The following LINGO2 variants were observed in gnomAD, a reference collection of about 807,000 sequenced individuals.
LINGO2 encodes the protein leucine-rich repeat and immunoglobulin-like domain-containing nogo receptor-interacting protein 2.
In LINGO2, 14 loss-of-function variants were observed where a neutral mutation model predicts 30.6. The ratio of observed to expected loss-of-function variants is 0.46; its 90% CI spans 0.30 to 0.72. The LOEUF (loss-of-function observed/expected upper bound fraction) is 0.72, where lower values mean the gene tolerates loss of function less well. Ranked by LOEUF, LINGO2 falls within the 30% of genes least tolerant of loss-of-function variation. The pLI, the probability that LINGO2 is intolerant of heterozygous loss-of-function variation, is 0.07. For synonymous variants in LINGO2, 317 were observed against 288.5 expected (o/e 1.10, Z -1.00); for missense variants, 729 against 751.7 (o/e 0.97, Z 0.35).
the LINGO2 span, among the ~76,000 whole-genome samples, chr9:28,703,132 C>T: frequency 6.6e-6 from 1 of 151,464 alleles, no homozygotes; most frequent in South Asian, 2.1e-4. Context: ...ATTTCTGCTC[C>T]ATTTTTTGTT....
intron 4 of LINGO2, among the ~76,000 whole-genome samples, chr9:28,071,784 C>A (rs965669678): frequency 6.6e-6 from 1 of 152,030 alleles, no homozygotes; most frequent in Non-Finnish European, 1.5e-5. Flanking sequence ...TCATTCTCTT[C>A]ATTCTAACAA....
At chr9:29,164,340 C>T in the LINGO2 span, among the ~76,000 whole-genome samples, 2 of 151,994 alleles carry the variant, frequency 1.3e-5, no homozygotes, top group African/African-American at 2.4e-5. Flanking sequence ...TATCTGATGC[C>T]GTAGTAGATA....
At chr9:28,797,031 G>T in the LINGO2 span, among the ~76,000 whole-genome samples, 2 of 151,224 alleles carry the variant, frequency 1.3e-5, no homozygotes, top group Non-Finnish European at 2.9e-5. Context: ...CATTTTAAAG[G>T]CTTAATTTGC....
chr9:27,970,053 A>G (rs906779083), intron 5 of LINGO2, among the ~76,000 whole-genome samples: 1 of 152,220 alleles, frequency 6.6e-6, no homozygotes, highest in Admixed American at 6.5e-5. Context: ...TTAATATTGC[A>G]TGTTCTCAGC....
intron 2 of LINGO2, among the ~76,000 whole-genome samples, chr9:28,403,609 T>A (rs936748387): frequency 1.3e-5 from 2 of 151,762 alleles, no homozygotes; most frequent in Admixed American, 6.6e-5. Flanking sequence ...AAAGAATGAC[T>A]AAAATGCTAT....
At chr9:29,199,290 C>T in the LINGO2 span, among the ~76,000 whole-genome samples, 1 of 152,086 alleles carries the variant, frequency 6.6e-6, no homozygotes, top group Non-Finnish European at 1.5e-5. Context: ...TGCCCAACCA[C>T]AGAAAGCCAG....
At chr9:27,989,878 C>T (rs772659715) in intron 5 of LINGO2, among the ~76,000 whole-genome samples, 4 of 151,974 alleles carry the variant, frequency 2.6e-5, no homozygotes, top group Non-Finnish European at 4.4e-5. Context: ...AAGCCTTTTG[C>T]TCTTCCCCTA....
At chr9:28,674,476 T>C (rs1480319717), upstream of LINGO2, among the ~76,000 whole-genome samples, 1 of 152,180 alleles carries the variant, frequency 6.6e-6, no homozygotes, top group Non-Finnish European at 1.5e-5. Context: ...TTATTAATTA[T>C]GTCTCTACAA....
chr9:28,309,132 C>T (rs554911140), intron 3 of LINGO2, among the ~76,000 whole-genome samples: 11 of 152,150 alleles, frequency 7.2e-5, no homozygotes, highest in South Asian at 2.1e-4. Context: ...CACATGCACA[C>T]GTATGTTTAT....
chr9:28,784,962 G>A, the LINGO2 span, among the ~76,000 whole-genome samples: 2 of 146,332 alleles, frequency 1.4e-5, no homozygotes, highest in Non-Finnish European at 3.0e-5. Flanking sequence ...AAAAAAAAAA[G>A]AATTGCAAAT....
At chr9:28,355,665 C>T (rs966827922) in intron 3 of LINGO2, among the ~76,000 whole-genome samples, 6 of 152,080 alleles carry the variant, frequency 3.9e-5, no homozygotes, top group Non-Finnish European at 8.8e-5. Context: ...GAACTTGGTT[C>T]TGCATGCTGA....
intron 4 of LINGO2, among the ~76,000 whole-genome samples, chr9:28,171,879 A>T (rs1234351871): frequency 6.7e-6 from 1 of 150,320 alleles, no homozygotes; most frequent in African/African-American, 2.4e-5. Context: ...AAATTTAGCC[A>T]GGCGTGGTGG....
intron 4 of LINGO2, among the ~76,000 whole-genome samples, chr9:28,159,062 T>G (rs1266575538): frequency 6.6e-6 from 1 of 152,206 alleles, no homozygotes; most frequent in Admixed American, 6.5e-5. Flanking sequence ...TGCTAGATTC[T>G]TAGACAACTC....
chr9:28,766,136 T>C, the LINGO2 span, among the ~76,000 whole-genome samples: 1 of 151,866 alleles, frequency 6.6e-6, no homozygotes. Context: ...ACAAAGAAAG[T>C]AATCAAGAAA....
chr9:28,437,738 C>G (rs572441937), intron 2 of LINGO2, among the ~76,000 whole-genome samples: 1 of 152,074 alleles, frequency 6.6e-6, no homozygotes, highest in Non-Finnish European at 1.5e-5. Context: ...CATCAGACTT[C>G]TTGAGCCTAT....
the LINGO2 span, among the ~76,000 whole-genome samples, chr9:28,984,512 G>T: frequency 3.3e-5 from 5 of 151,920 alleles, no homozygotes; most frequent in Non-Finnish European, 5.9e-5. Context: ...GAGGGCACAG[G>T]AATTTAACTG....
intron 1 of LINGO2, among the ~76,000 whole-genome samples, chr9:28,599,454 GTTGGTGGCTTGTTAAA>G (rs1006348370): frequency 1.3e-5 from 2 of 152,104 alleles, no homozygotes; most frequent in African/African-American, 4.8e-5. Context: ...TGTAAAAATT[GTTGGTGGCTTGTTAAA>G]TAGATGTTTG....
intron 1 of LINGO2, among the ~76,000 whole-genome samples, chr9:28,657,152 C>T (rs1351614959): frequency 2.0e-5 from 3 of 151,922 alleles, no homozygotes; most frequent in Admixed American, 1.3e-4. Context: ...TTGTTTTGTT[C>T]GAGTTGTTTT....
intron 1 of LINGO2, among the ~76,000 whole-genome samples, chr9:28,540,655 T>G (rs1328067231): frequency 6.6e-6 from 1 of 152,152 alleles, no homozygotes; most frequent in Non-Finnish European, 1.5e-5. Flanking sequence ...TTCAATGTGT[T>G]TGTTTAATAA....
Sources: gnomAD v4.1 joint callset for allele counts (sites outside exome capture counted in the v4.1 genomes callset) on GRCh38, gnomAD v4.1.1 for gene constraint, MANE v1.5 for transcripts, NCBI Gene and HGNC (gene_info 2026-07-23, HGNC 2026-07-21) for gene names.